Variants in PCP4L1 observed in about 807,000 individuals in gnomAD.
PCP4L1 encodes the protein Purkinje cell protein 4-like protein 1.
A neutral mutation model predicts 9.6 loss-of-function variants in PCP4L1; 9 were observed. The ratio of observed to expected loss-of-function variants is 0.94; its 90% CI spans 0.57 to 1.64. The LOEUF (loss-of-function observed/expected upper bound fraction) is 1.64. Ranked by LOEUF, PCP4L1 falls within the 40% of genes most tolerant of loss-of-function variation. The pLI is 0.00. For synonymous variants in PCP4L1, 31 were observed against 28.2 expected (o/e 1.10, Z -0.31); for missense variants, 81 against 80.8 (o/e 1.00, Z -0.01).
At chr1:161,276,533 A>C (rs1464704216) in intron 1 of PCP4L1, among the ~76,000 whole-genome samples, 1 of 151,996 alleles carries the variant, frequency 6.6e-6, no homozygotes, top group African/African-American at 2.4e-5. Flanking sequence ...AAATACAAAA[A>C]TTACCCAGGT....
At chr1:161,279,508 C>A (rs1669758411) in intron 1 of PCP4L1, among the ~76,000 whole-genome samples, 1 of 152,222 alleles carries the variant, frequency 6.6e-6, no homozygotes, top group Non-Finnish European at 1.5e-5. Flanking sequence ...ACAGCATAAT[C>A]TACAGAACAT....
chr1:161,275,947 C>T (rs1281331378), intron 1 of PCP4L1, among the ~76,000 whole-genome samples: 1 of 152,012 alleles, frequency 6.6e-6, no homozygotes, highest in Non-Finnish European at 1.5e-5. Flanking sequence ...ATTTGCCTGC[C>T]ACCACGCCCA....
At chr1:161,279,275 C>G (rs1437912310) in intron 1 of PCP4L1, among the ~76,000 whole-genome samples, 1 of 152,190 alleles carries the variant, frequency 6.6e-6, no homozygotes, top group Non-Finnish European at 1.5e-5. Flanking sequence ...GCTTTATTTT[C>G]TTTCATGGCA....
intron 1 of PCP4L1, among the ~76,000 whole-genome samples, chr1:161,268,551 CTTTT>C (rs10654377): frequency 2.6e-5 from 3 of 114,052 alleles, no homozygotes; most frequent in African/African-American, 3.4e-5. Context: ...TTCCTTTTAC[CTTTT>C]TTTTTTTTTT....
At chr1:161,281,475 C>G (rs868743824) in intron 1 of PCP4L1, among the ~76,000 whole-genome samples, 20 of 150,022 alleles carry the variant, frequency 1.3e-4, no homozygotes, top group African/African-American at 4.4e-4. Flanking sequence ...GAGGCGCCCC[C>G]CACCTCCCTC....
intron 1 of PCP4L1, among the ~76,000 whole-genome samples, chr1:161,268,848 C>G (rs980845852): frequency 6.6e-6 from 1 of 152,194 alleles, no homozygotes; most frequent in Non-Finnish European, 1.5e-5. Flanking sequence ...CATGCCCTGC[C>G]TTTTTACCTT....
intron 1 of PCP4L1, among the ~76,000 whole-genome samples, chr1:161,278,848 T>A (rs746367320): frequency 1.8e-4 from 27 of 151,978 alleles, no homozygotes; most frequent in Non-Finnish European, 3.5e-4. Flanking sequence ...AGTGGCGCAA[T>A]CTCAGCTCAC....
chr1:161,284,595 C>T lies in PCP4L1; in HGVS notation c.*114C>T. 2 of 1,372,122 alleles carry T rather than the reference C, an allele frequency of 1.5e-6. No homozygotes were observed. The highest frequency in any genetic ancestry group is 2.9e-5 in the South Asian group (2 of 70,122). The allele number at this position is 1,372,122 out of a possible 1,614,324, so 85.0% of individuals were successfully genotyped here. A position where few individuals can be genotyped will look rare whatever the true frequency, so the allele number is the denominator to read the frequency against. ...TAGCCTTTCCTTGAGGCAAGTTCAA[C>T]CTTTATATACTCTTGTATCTGGCCC... On this transcript the variant is annotated 3_prime_UTR_variant, in exon 3 of 3. Transcript: ENST00000504449.
chr1:161,269,596 A>G (rs1271451237), intron 1 of PCP4L1, among the ~76,000 whole-genome samples: 7 of 152,232 alleles, frequency 4.6e-5, no homozygotes, highest in Non-Finnish European at 1.0e-4. Flanking sequence ...AGGCAGGGAT[A>G]AGAGAACCAT....
chr1:161,279,212 T>C (rs1320153782), intron 1 of PCP4L1, among the ~76,000 whole-genome samples: 1 of 152,230 alleles, frequency 6.6e-6, no homozygotes, highest in Non-Finnish European at 1.5e-5. Context: ...TACATCGTCA[T>C]TAAAGCCTCT....
chr1:161,283,697 C>T lies in PCP4L1; in HGVS notation c.39C>T (p.Asn13=). The stretch of plus-strand genomic sequence containing the variant: ...ATACCAAAACATCCCCAGCAACCAA[C>T]CAGGCAGCTGGCCAAGAGGAAAAAG... The part of the protein sequence containing the change: ...ELNTKTSPAT[N]QAAGQEEKGK... Residue 13 remains asparagine, a synonymous_variant, in exon 2 of 3, where the codon AAC becomes AAT. Transcript: ENST00000504449. 6.2e-7 allele frequency: 1 copy of T among 1,606,162 alleles called. No homozygotes were observed. Among genetic ancestry groups the T allele is most frequent in the South Asian group, 1.1e-5 (1 of 89,432 alleles).
In PCP4L1 at chr1:161,284,439, G is replaced by A. The variant is rs773645273; in HGVS notation, c.165G>A (p.Lys55=). The change falls in exon 3 of 3, where the codon AAG becomes AAA. Residue 55 remains lysine, a synonymous_variant. Coordinates refer to ENST00000504449, the MANE Select transcript of PCP4L1 (RefSeq NM_001102566.2). The part of the protein sequence containing the change: ...TEKAALAIQG[K]FRRFQKRKKD... The stretch of plus-strand genomic sequence containing the variant: ...AGGCTGCCCTTGCTATTCAGGGCAA[G>A]TTCCGGCGATTTCAGAAAAGGAAAA... 4 of 1,613,888 alleles carry A rather than the reference G, an allele frequency of 2.5e-6. No homozygotes were observed. Among genetic ancestry groups the A allele is most frequent in the Non-Finnish European group, 2.5e-6 (3 of 1,179,900 alleles).
At chr1:161,274,378 AGG>A (rs1449866146) in intron 1 of PCP4L1, among the ~76,000 whole-genome samples, 8 of 152,068 alleles carry the variant, frequency 5.3e-5, no homozygotes, top group African/African-American at 1.9e-4. Context: ...AAAAAAGAAA[AGG>A]AGTAGAAGAG....
At chr1:161,269,764 C>T (rs1000294413) in intron 1 of PCP4L1, among the ~76,000 whole-genome samples, 29 of 152,174 alleles carry the variant, frequency 1.9e-4, no homozygotes, top group African/African-American at 6.5e-4. Flanking sequence ...TTTGGGAGGC[C>T]GAGGCAGGAG....
intron 1 of PCP4L1, among the ~76,000 whole-genome samples, chr1:161,268,486 A>G (rs1407864713): frequency 6.6e-6 from 1 of 152,090 alleles, no homozygotes; most frequent in Non-Finnish European, 1.5e-5. Flanking sequence ...TTACTTTGGA[A>G]TAATAACTAT....
intron 1 of PCP4L1, among the ~76,000 whole-genome samples, chr1:161,260,075 T>C (rs1222628597): frequency 6.6e-6 from 1 of 152,240 alleles, no homozygotes; most frequent in Non-Finnish European, 1.5e-5. Flanking sequence ...TTCTTTTTTC[T>C]TCCTCTCCCA....
chr1:161,268,701 C>A (rs1040151831), intron 1 of PCP4L1, among the ~76,000 whole-genome samples: 1 of 152,102 alleles, frequency 6.6e-6, no homozygotes, highest in African/African-American at 2.4e-5. Flanking sequence ...AGGCATGCAC[C>A]ACCATGCCTG....
intron 1 of PCP4L1, among the ~76,000 whole-genome samples, chr1:161,281,032 T>A (rs1014436648): frequency 6.6e-6 from 1 of 151,718 alleles, no homozygotes; most frequent in Non-Finnish European, 1.5e-5. Flanking sequence ...GATTAGGGAG[T>A]GGTGATGACT....
chr1:161,281,771 CT>C (rs1669814219), intron 1 of PCP4L1, among the ~76,000 whole-genome samples: 1 of 29,090 alleles, frequency 3.4e-5, no homozygotes, highest in Non-Finnish European at 5.4e-5. Flanking sequence ...GGCAGAGGCG[CT>C]CCTCACATCC....
Sources: gnomAD v4.1 joint callset for allele counts (sites outside exome capture counted in the v4.1 genomes callset) on GRCh38, gnomAD v4.1.1 for gene constraint, MANE v1.5 for transcripts, NCBI Gene and HGNC (gene_info 2026-07-23, HGNC 2026-07-21) for gene names.